Variants in ABLIM1 observed in about 807,000 individuals in gnomAD.
ABLIM1 encodes actin-binding LIM protein 1.
In ABLIM1, 40 loss-of-function variants were observed where a neutral mutation model predicts 107.0. That is an observed-to-expected ratio of 0.37 (90% CI 0.29 to 0.49). The LOEUF (loss-of-function observed/expected upper bound fraction) is 0.49. ABLIM1 is among the 20% of genes least tolerant of loss of function. ABLIM1 has a pLI of 0.97. For synonymous variants in ABLIM1, 357 were observed against 357.3 expected, an observed-to-expected ratio of 1.00 and a Z score of 0.01; for missense variants, 857 against 1,008.5, an observed-to-expected ratio of 0.85 and a Z score of 2.04.
chr10:114,443,790 T>C (rs939865396), intron 17 of ABLIM1, among the ~76,000 whole-genome samples: 1 of 152,002 alleles, frequency 6.6e-6, no homozygotes, highest in Non-Finnish European at 1.5e-5. Flanking sequence ...ATATGGGGAT[T>C]GGCCTTCATG....
intron 1 of ABLIM1, among the ~76,000 whole-genome samples, chr10:114,632,951 T>G (rs1249107291): frequency 6.6e-6 from 1 of 152,170 alleles, no homozygotes; most frequent in Non-Finnish European, 1.5e-5. Flanking sequence ...CCTGTCCTGC[T>G]GTCCTGTGAG....
chr10:114,437,740 A>ATT, intron 22 of ABLIM1, 104 bp downstream of exon 22: 3 of 957,300 alleles, frequency 3.1e-6, no homozygotes, highest in East Asian at 2.5e-5. Flanking sequence ...GATCTTTATA[A>ATT]TTTTTTTTTG....
At chr10:114,469,051 C>CAAAAAA (rs71473043) in intron 10 of ABLIM1, among the ~76,000 whole-genome samples, 7 of 75,330 alleles carry the variant, frequency 9.3e-5, no homozygotes, top group Non-Finnish European at 1.2e-4. Context: ...GACTCTGTCT[C>CAAAAAA]AAAAAAAAAA....
intron 4 of ABLIM1, among the ~76,000 whole-genome samples, chr10:114,562,964 A>T (rs1315395415): frequency 6.6e-6 from 1 of 152,230 alleles, no homozygotes; most frequent in Non-Finnish European, 1.5e-5. Context: ...ATATGTTCTA[A>T]TGGAAATCAA....
At chr10:114,694,207 T>C (rs1198067245) in intron 1 of ABLIM1, among the ~76,000 whole-genome samples, 1 of 152,200 alleles carries the variant, frequency 6.6e-6, no homozygotes, top group Non-Finnish European at 1.5e-5. Context: ...GTGACCTTCA[T>C]TCTTACAGCC....
At chr10:114,489,551 C>T (rs2058653429) in intron 7 of ABLIM1, among the ~76,000 whole-genome samples, 1 of 152,118 alleles carries the variant, frequency 6.6e-6, no homozygotes, top group Non-Finnish European at 1.5e-5. Flanking sequence ...AGCAGACAGA[C>T]GTATAGGTCC....
chr10:114,516,996 T>G (rs1565757488), intron 6 of ABLIM1, among the ~76,000 whole-genome samples: 1 of 152,216 alleles, frequency 6.6e-6, no homozygotes, highest in East Asian at 1.9e-4. Flanking sequence ...GGACTCCGTT[T>G]TTTTTTGTTG....
Position 114,447,883 on chromosome 10 carries a change from C to T in ABLIM1, c.1732G>A (p.Val578Ile), listed in dbSNP as rs34118174. ...CTTAGCCGTGACAGTTGCATACCTA[C>T]GACAGCAAATGAGGGGGGACCAGGC... ...HWPGPPSFAV[V>I]GPDMKRRSSG... Residue 578 changes from valine to isoleucine, a missense_variant, in exon 15 of 23, where the codon GTA (valine) becomes ATA (isoleucine). Physicochemically the swap from Val to Ile is conservative, Grantham distance 29. Transcript: ENST00000533213. 12,832 of 1,614,002 alleles carry T rather than the reference C, an allele frequency of 8.0e-3. 296 individuals carry two copies. The highest frequency in any genetic ancestry group is 0.078 in the African/African-American group (5,856 of 74,948).
At chr10:114,739,854 C>A (rs2082252052) in intron 1 of ABLIM1, among the ~76,000 whole-genome samples, 1 of 152,008 alleles carries the variant, frequency 6.6e-6, no homozygotes, top group South Asian at 2.1e-4. Flanking sequence ...CTGAAAACAG[C>A]CCAAACGGAT....
At chr10:114,463,780 C>T (rs2064481482) in intron 12 of ABLIM1, among the ~76,000 whole-genome samples, 1 of 152,168 alleles carries the variant, frequency 6.6e-6, no homozygotes, top group African/African-American at 2.4e-5. Context: ...TTTAAATCAT[C>T]ATCTGGCATC....
intron 6 of ABLIM1, among the ~76,000 whole-genome samples, chr10:114,503,788 A>T (rs2060757359): frequency 6.6e-6 from 1 of 152,208 alleles, no homozygotes; most frequent in Non-Finnish European, 1.5e-5. Flanking sequence ...TCTTTATAAA[A>T]TGGTCTCTAA....
chr10:114,638,437 C>G (rs2078583432), intron 1 of ABLIM1, among the ~76,000 whole-genome samples: 1 of 152,160 alleles, frequency 6.6e-6, no homozygotes, highest in African/African-American at 2.4e-5. Context: ...TGTCAGCCAC[C>G]ATTCTAGTCT....
intron 12 of ABLIM1, among the ~76,000 whole-genome samples, chr10:114,464,498 T>C (rs1038453907): frequency 6.6e-6 from 1 of 152,146 alleles, no homozygotes; most frequent in African/African-American, 2.4e-5. Flanking sequence ...GCATAAAGGA[T>C]TTCTTATTAC....
chr10:114,575,263 T>C (rs937658778), intron 3 of ABLIM1, among the ~76,000 whole-genome samples, 153 bp downstream of exon 3: 1 of 152,214 alleles, frequency 6.6e-6, no homozygotes, highest in African/African-American at 2.4e-5. Context: ...ATCTACTTTT[T>C]TTACTAGGAC....
intron 1 of ABLIM1, among the ~76,000 whole-genome samples, chr10:114,644,182 G>A (rs1204494468): frequency 2.0e-5 from 3 of 146,976 alleles, no homozygotes; most frequent in African/African-American, 2.5e-5. Flanking sequence ...TCGGGAGGCT[G>A]AGGCAGGAGA....
In ABLIM1 at chr10:114,569,955, T is replaced by C. The variant is rs916184278; in HGVS notation, c.673+1342A>G. Among the ~76,000 whole-genome samples the C allele has an allele frequency of 2.0e-5, 3 of 152,246 alleles. No homozygotes were observed. The East Asian group carries it at 5.8e-4, about 29-fold the overall frequency. ...CCAATGGTCAAAAATCCAATTTCTA[T>C]GCAAATGCTTTAGTCAGAACATTCT... On this transcript the variant is annotated intron_variant, in intron 4 of 22. Coordinates refer to ENST00000533213, the MANE Select transcript of ABLIM1 (RefSeq NM_002313.7).
chr10:114,652,741 A>G (rs11196838), intron 1 of ABLIM1, among the ~76,000 whole-genome samples: 12,440 of 152,182 alleles, frequency 0.082, 993 homozygotes, highest in East Asian at 0.45. Flanking sequence ...GTTTGTCAAG[A>G]AGGTAATCGC....
upstream of ABLIM1, among the ~76,000 whole-genome samples, chr10:114,686,136 A>G (rs2080929299): frequency 6.6e-6 from 1 of 152,168 alleles, no homozygotes; most frequent in Non-Finnish European, 1.5e-5. Context: ...GTTAAGCAAT[A>G]AAGTGATTCT....
At chr10:114,659,662 C>T (rs2079699879), upstream of ABLIM1, among the ~76,000 whole-genome samples, 1 of 152,210 alleles carries the variant, frequency 6.6e-6, no homozygotes, top group African/African-American at 2.4e-5. Flanking sequence ...CATATGCATA[C>T]ATGTGCCATG....
Sources: allele counts gnomAD v4.1 joint callset (sites outside exome capture counted in the v4.1 genomes callset), GRCh38; gene constraint gnomAD v4.1.1; transcripts MANE v1.5; gene names NCBI Gene and HGNC (gene_info 2026-07-23, HGNC 2026-07-21).